The following ABCC1 variants were observed in gnomAD, a reference collection of about 807,000 sequenced individuals.
ABCC1 encodes ATP binding cassette subfamily C member 1 (ABCC1 blood group), also known as multidrug resistance-associated protein 1.
Under a neutral mutation model 172.9 loss-of-function variants are expected in ABCC1, and 83 were observed. That is an observed-to-expected ratio of 0.48 (90% confidence interval 0.40 to 0.58). The LOEUF (loss-of-function observed/expected upper bound fraction) is 0.58, where lower values mean the gene tolerates loss of function less well. ABCC1 is among the 20% of genes least tolerant of loss of function. The probability of loss-of-function intolerance (pLI) is 0.00; values close to 1 mark genes in which losing one functional copy is unlikely to be tolerated. For synonymous variants in ABCC1, 937 were observed against 825.2 expected, an observed-to-expected ratio of 1.14 and a Z score of -2.32; for missense variants, 1,817 against 2,002.7, an observed-to-expected ratio of 0.91 and a Z score of 1.77.
chr16:16,025,660 C>T (rs2151802722), intron 5 of ABCC1, among the ~76,000 whole-genome samples: 1 of 152,294 alleles, frequency 6.6e-6, no homozygotes, highest in Non-Finnish European at 1.5e-5. Context: ...CCTTAAACTA[C>T]CCTGCGCTCC....
intron 1 of ABCC1, among the ~76,000 whole-genome samples, chr16:15,978,900 G>A (rs531755443): frequency 6.6e-6 from 1 of 152,182 alleles, no homozygotes; most frequent in African/African-American, 2.4e-5. Flanking sequence ...CGGGACAGAC[G>A]TATCCAGCCT....
intron 27 of ABCC1, among the ~76,000 whole-genome samples, chr16:16,132,506 G>GTTTTTTTTTTT (rs1567441293): frequency 9.9e-6 from 1 of 100,950 alleles, no homozygotes. Context: ...TTTTTTGGTT[G>GTTTTTTTTTTT]GTTGTTTTTT....
chr16:16,046,927 G>C (rs1407630393), intron 9 of ABCC1, among the ~76,000 whole-genome samples: 4 of 152,048 alleles, frequency 2.6e-5, no homozygotes, highest in African/African-American at 9.7e-5. Context: ...AGGCACTGTA[G>C]CTCATGCCTG....
intron 1 of ABCC1, among the ~76,000 whole-genome samples, chr16:15,985,338 T>G (rs1597074335): frequency 1.3e-5 from 2 of 152,188 alleles, no homozygotes; most frequent in East Asian, 3.8e-4. Flanking sequence ...GGCAAGGGTA[T>G]TGAGATGTGA....
At chr16:16,110,911 T>C (rs1045857080) in intron 21 of ABCC1, among the ~76,000 whole-genome samples, 11 of 151,954 alleles carry the variant, frequency 7.2e-5, no homozygotes, top group Admixed American at 2.0e-4. Context: ...AGTTTGTCTC[T>C]TTTTTTTGAG....
Position 15,949,636 on chromosome 16 carries a change from CGCTA to C in ABCC1, c.-113_-110del. On this transcript the variant is annotated 5_prime_UTR_variant, in exon 1 of 31. Coordinates refer to ENST00000399410, the MANE Select transcript of ABCC1 (RefSeq NM_004996.4). The stretch of plus-strand genomic sequence containing the variant: ...GCGCCGCCGCCGCCGCCGCCGCCAG[CGCTA>C]GCGCCAGCAGCCGGGCCCGATCACC... 1.4e-6 allele frequency: 1 copy of C among 707,668 alleles called. No homozygotes were observed. Among genetic ancestry groups the C allele is most frequent in the Non-Finnish European group, 1.7e-6 (1 of 577,622 alleles). 43.8% of individuals were successfully genotyped at this position (707,668 alleles called of 1,614,324 possible).
intron 1 of ABCC1, among the ~76,000 whole-genome samples, chr16:15,983,819 G>A (rs903670433): frequency 6.6e-6 from 1 of 152,010 alleles, no homozygotes; most frequent in Non-Finnish European, 1.5e-5. Flanking sequence ...GCCTCCCAAA[G>A]TACTGGGATT....
intron 22 of ABCC1, among the ~76,000 whole-genome samples, chr16:16,111,807 G>C (rs1365748360): frequency 6.6e-6 from 1 of 152,224 alleles, no homozygotes; most frequent in Non-Finnish European, 1.5e-5. Flanking sequence ...GAGTGCTCCA[G>C]TGTGCCCATT....
intron 5 of ABCC1, among the ~76,000 whole-genome samples, chr16:16,027,887 C>T (rs998356686): frequency 6.6e-6 from 1 of 152,128 alleles, no homozygotes; most frequent in Non-Finnish European, 1.5e-5. Context: ...ATTATTATTA[C>T]TACTACTACT....
At chr16:16,079,302 C>A in intron 15 of ABCC1, 50 bp from the exon 16 acceptor site, 1 of 1,603,518 alleles carries the variant, frequency 6.2e-7, no homozygotes, top group Non-Finnish European at 8.5e-7. Flanking sequence ...GGCATTAGCC[C>A]GGCAGGCCTC....
intron 1 of ABCC1, among the ~76,000 whole-genome samples, chr16:15,990,240 T>A (rs1009436208): frequency 6.6e-6 from 1 of 152,006 alleles, no homozygotes; most frequent in Non-Finnish European, 1.5e-5. Flanking sequence ...AGAGACAGGG[T>A]TTCACCATAG....
At chr16:15,972,742 T>A (rs1204213745) in intron 1 of ABCC1, among the ~76,000 whole-genome samples, 9 of 151,992 alleles carry the variant, frequency 5.9e-5, no homozygotes, top group Admixed American at 5.9e-4. Flanking sequence ...GGAGAAACTT[T>A]TGAGTAAGCC....
intron 12 of ABCC1, among the ~76,000 whole-genome samples, chr16:16,057,426 A>G (rs2049709840): frequency 6.6e-6 from 1 of 151,598 alleles, no homozygotes; most frequent in Non-Finnish European, 1.5e-5. Context: ...CTTTTCCCCC[A>G]CTAGGATGTC....
intron 27 of ABCC1, among the ~76,000 whole-genome samples, chr16:16,132,582 C>T (rs771381407): frequency 3.7e-4 from 48 of 130,102 alleles, no homozygotes; most frequent in Non-Finnish European, 4.2e-4. Context: ...AGTGCAGGGG[C>T]CCGATCTCAG....
chr16:16,013,991 G>A (rs1350194688), intron 3 of ABCC1, among the ~76,000 whole-genome samples: 1 of 152,122 alleles, frequency 6.6e-6, no homozygotes, highest in Admixed American at 6.6e-5. Context: ...TCTGTACTGG[G>A]TTCTCTGCCT....
chr16:15,973,941 C>T (rs2046427469), intron 1 of ABCC1, among the ~76,000 whole-genome samples: 1 of 152,022 alleles, frequency 6.6e-6, no homozygotes, highest in Admixed American at 6.6e-5. Context: ...GCCACGATTG[C>T]ACCACCGTAT....
At chr16:15,955,429 C>G (rs2045971971) in intron 1 of ABCC1, among the ~76,000 whole-genome samples, 1 of 152,108 alleles carries the variant, frequency 6.6e-6, no homozygotes, top group Non-Finnish European at 1.5e-5. Flanking sequence ...TAGTCTTGGC[C>G]CAGCTGTCCC....
In ABCC1 at chr16:16,044,377, C is replaced by T. The variant is rs546943313; in HGVS notation, c.810-73C>T. On this transcript the variant is annotated intron_variant, in intron 7 of 30. Transcript: ENST00000399410. ...TGCCTTCCCTGAAGGGTGACATTCC[C>T]TGGCCATGTCCCTGTGGTAGGGGGC... is the stretch of plus-strand genomic sequence containing the variant. 8.8e-4 allele frequency: 1,167 copies of T among 1,332,720 alleles called. 3 individuals carry two copies. Among genetic ancestry groups the T allele is most frequent in the Non-Finnish European group, 1.2e-3 (1,125 of 938,742 alleles). The allele number at this position is 1,332,720 out of a possible 1,614,324, so 82.6% of individuals were successfully genotyped here.
At chr16:15,960,773 G>A (rs1301536569) in intron 1 of ABCC1, among the ~76,000 whole-genome samples, 1 of 152,118 alleles carries the variant, frequency 6.6e-6, no homozygotes, top group Non-Finnish European at 1.5e-5. Flanking sequence ...GGAAGATCAT[G>A]GTGTGGTTAA....
Sources: gnomAD v4.1 joint callset for allele counts (sites outside exome capture counted in the v4.1 genomes callset) on GRCh38, gnomAD v4.1.1 for gene constraint, MANE v1.5 for transcripts, NCBI Gene and HGNC (gene_info 2026-07-23, HGNC 2026-07-21) for gene names.